MACROD1: variants seen among roughly 807,000 people sequenced by gnomAD.
The protein encoded by MACROD1 is ADP-ribose glycohydrolase MACROD1.
MACROD1 carries 31 observed loss-of-function variants against 41.4 expected under a neutral mutation model. The observed-to-expected ratio is 0.75, with a 90% confidence interval of 0.56 to 1.01. The LOEUF is 1.01. MACROD1 is among the 50% of genes least tolerant of loss of function. MACROD1 has a pLI of 0.00. For missense variants in MACROD1, 473 were observed against 460.0 expected (o/e 1.03, Z -0.26); for synonymous variants, 252 against 203.4 (o/e 1.24, Z -2.03).
rs1945088637 is a variant in MACROD1 at position 64,120,980 on chromosome 11, G to A, written c.517+30259C>T. On this transcript the variant is annotated intron_variant, in intron 3 of 10. Transcript: ENST00000255681. The surrounding 1 kb of genome is among the most constrained non-coding windows in gnomAD (Gnocchi z 4.5). ...CCTCTCCCCACCCTAGACAGGTCAGGTCATGCCCTTAGTGGCTAGGAAGGC... is the reference window on the plus strand; with the variant it reads ...CCTCTCCCCACCCTAGACAGGTCAGATCATGCCCTTAGTGGCTAGGAAGGC... 6.6e-6 allele frequency among the ~76,000 whole-genome samples: 1 copy of A among 152,112 alleles called. No homozygotes were observed. The highest frequency in any genetic ancestry group is 2.4e-5 in the African/African-American group (1 of 41,410).
chr11:64,156,727 G>A (rs550809095), intron 1 of MACROD1, among the ~76,000 whole-genome samples: 2 of 152,246 alleles, frequency 1.3e-5, no homozygotes, highest in South Asian at 2.1e-4. Context: ...AAGCCCACAG[G>A]ATTGCTCCAC....
chr11:64,045,554 A>G (rs1280737594), intron 3 of MACROD1, among the ~76,000 whole-genome samples: 3 of 152,108 alleles, frequency 2.0e-5, no homozygotes, highest in African/African-American at 4.8e-5. Flanking sequence ...ATGGGACCCA[A>G]TTTGGTAGGT....
At chr11:64,037,703 T>C (rs1419577773) in intron 3 of MACROD1, among the ~76,000 whole-genome samples, 1 of 152,092 alleles carries the variant, frequency 6.6e-6, no homozygotes, top group Non-Finnish European at 1.5e-5. Context: ...AGAGACTGGA[T>C]ACTCTTCAGT....
At chr11:64,137,039 G>A (rs1000091320) in intron 3 of MACROD1, among the ~76,000 whole-genome samples, 13 of 152,230 alleles carry the variant, frequency 8.5e-5, no homozygotes, top group Non-Finnish European at 1.6e-4. Flanking sequence ...TCTCCAGGCC[G>A]CTTTTCTCAG....
chr11:64,030,430 G>A (rs1227768625), intron 3 of MACROD1, among the ~76,000 whole-genome samples: 1 of 152,186 alleles, frequency 6.6e-6, no homozygotes, highest in African/African-American at 2.4e-5. Context: ...GGACACTGTA[G>A]CAGGGGTTGG....
chr11:64,047,088 T>C (rs1943598422), intron 3 of MACROD1, among the ~76,000 whole-genome samples: 1 of 151,910 alleles, frequency 6.6e-6, no homozygotes, highest in Non-Finnish European at 1.5e-5. Context: ...CGACGTGCTG[T>C]TCCCTGTGTC....
chr11:64,110,864 T>C (rs1590923080), intron 3 of MACROD1, among the ~76,000 whole-genome samples: 1 of 152,122 alleles, frequency 6.6e-6, no homozygotes, highest in South Asian at 2.1e-4. Context: ...CAATTAGAGA[T>C]TCCTCTGGTG....
intron 3 of MACROD1, among the ~76,000 whole-genome samples, chr11:64,114,463 AGATG>A (rs1261609173): frequency 9.3e-6 from 1 of 107,618 alleles, no homozygotes; most frequent in African/African-American, 3.7e-5. Flanking sequence ...ATGGATGGAT[AGATG>A]GATGGATGGA....
chr11:64,058,068 G>T (rs757964461), intron 3 of MACROD1, among the ~76,000 whole-genome samples: 1 of 152,238 alleles, frequency 6.6e-6, no homozygotes, highest in Admixed American at 6.5e-5. Flanking sequence ...ACTGGGCTGC[G>T]CTAGGAACAA....
At chr11:64,075,260 G>A (rs1338389943) in intron 3 of MACROD1, among the ~76,000 whole-genome samples, 1 of 152,244 alleles carries the variant, frequency 6.6e-6, no homozygotes, top group African/African-American at 2.4e-5. Flanking sequence ...TGTCTAGATA[G>A]GCTGGGACCT....
intron 3 of MACROD1, among the ~76,000 whole-genome samples, chr11:64,099,012 G>A (rs1290041056): frequency 6.6e-6 from 1 of 152,254 alleles, no homozygotes; most frequent in African/African-American, 2.4e-5. Flanking sequence ...CTGTAAAGCT[G>A]AGGGCCTGAG....
At chr11:64,089,958 G>A (rs1316787034) in intron 3 of MACROD1, among the ~76,000 whole-genome samples, 1 of 152,196 alleles carries the variant, frequency 6.6e-6, no homozygotes, top group Admixed American at 6.5e-5. Context: ...TAAAGTGAGA[G>A]GATTGGATAA....
intron 4 of MACROD1, among the ~76,000 whole-genome samples, chr11:64,008,220 G>A (rs1942945139): frequency 6.6e-6 from 1 of 152,198 alleles, no homozygotes; most frequent in African/African-American, 2.4e-5. Flanking sequence ...AAGCGTGGAG[G>A]GAGAAATGGA....
At chr11:64,085,594 C>G (rs1258181029) in intron 3 of MACROD1, among the ~76,000 whole-genome samples, 1 of 152,228 alleles carries the variant, frequency 6.6e-6, no homozygotes, top group Non-Finnish European at 1.5e-5. Flanking sequence ...CAGGCCGCAG[C>G]GTGGGCCAGC....
chr11:64,044,471 A>G (rs1420531634), intron 3 of MACROD1, among the ~76,000 whole-genome samples: 2 of 150,538 alleles, frequency 1.3e-5, no homozygotes, highest in Admixed American at 6.6e-5. Flanking sequence ...CTGGCCTTGA[A>G]CTCCTGGCCT....
chr11:64,119,016 A>G (rs1945050406), intron 3 of MACROD1: 1 of 167,084 alleles, frequency 6.0e-6, no homozygotes, highest in South Asian at 2.1e-4. Flanking sequence ...CGGAAGCCGT[A>G]GCTTTCCCTG....
intron 4 of MACROD1, among the ~76,000 whole-genome samples, chr11:64,010,882 T>G (rs1297456829): frequency 1.3e-4 from 14 of 106,644 alleles, no homozygotes; most frequent in African/African-American, 2.4e-4. Flanking sequence ...TGGTGTATTG[T>G]TTGGGGTGTT....
chr11:64,064,096 C>T lies in MACROD1; in HGVS notation c.518-48815G>A, dbSNP rs1422569227. Among the ~76,000 whole-genome samples the T allele has an allele frequency of 2.0e-5, 3 of 152,206 alleles. No individual in the cohort carries two copies. Among genetic ancestry groups the T allele is most frequent in the Non-Finnish European group, 2.9e-5 (2 of 68,034 alleles). ...CACAAACCCGAGGTCTCTCTCTCTG[C>T]GCCCCCTATCTCTCCAAGCCCCTCG... On this transcript the variant is annotated intron_variant, in intron 3 of 10. Coordinates refer to ENST00000255681, the MANE Select transcript of MACROD1 (RefSeq NM_014067.4). This position sits in a 1 kb window ranked among gnomAD's most constrained non-coding sequence, Gnocchi z 4.5.
At chr11:64,099,568 G>T (rs1227154231) in intron 3 of MACROD1, among the ~76,000 whole-genome samples, 1 of 151,838 alleles carries the variant, frequency 6.6e-6, no homozygotes, top group African/African-American at 2.4e-5. Context: ...ATGGATAGAG[G>T]TGAATAGATG....
Sources: gnomAD v4.1 joint callset for allele counts (sites outside exome capture counted in the v4.1 genomes callset) on GRCh38, gnomAD v4.1.1 for gene constraint, Gnocchi (gnomAD v3.1) non-coding constraint, MANE v1.5 for transcripts, NCBI Gene and HGNC (gene_info 2026-07-23, HGNC 2026-07-21) for gene names.